SLC25A21: variants seen among roughly 807,000 people sequenced by gnomAD.
The protein encoded by SLC25A21 is solute carrier family 25 member 21.
A neutral mutation model predicts 43.8 loss-of-function variants in SLC25A21; 47 were observed. The ratio of observed to expected loss-of-function variants is 1.07; its 90% CI spans 0.85 to 1.37. SLC25A21 has a LOEUF of 1.37. Among genes scored for constraint, SLC25A21 ranks in the 40% most tolerant of loss-of-function variants. The pLI is 0.00. For synonymous variants in SLC25A21, 131 were observed against 121.3 expected (o/e 1.08, Z -0.52); for missense variants, 352 against 350.2 (o/e 1.00, Z -0.04).
At chr14:37,058,488 A>G (rs1961877492) in intron 1 of SLC25A21, among the ~76,000 whole-genome samples, 1 of 152,218 alleles carries the variant, frequency 6.6e-6, no homozygotes, top group Non-Finnish European at 1.5e-5. Flanking sequence ...ATGGAAATTA[A>G]TTGTTTTATA....
At chr14:37,103,092 C>G (rs778074648) in intron 1 of SLC25A21, among the ~76,000 whole-genome samples, 1 of 152,064 alleles carries the variant, frequency 6.6e-6, no homozygotes, top group African/African-American at 2.4e-5. Flanking sequence ...AAACTGAAAG[C>G]TCTTCTAGGT....
intron 1 of SLC25A21, among the ~76,000 whole-genome samples, chr14:36,923,429 AAAAG>A (rs1892036545): frequency 6.6e-6 from 1 of 152,192 alleles, no homozygotes; most frequent in South Asian, 2.1e-4. Flanking sequence ...AAGAAATACT[AAAAG>A]AAGTCCTACA....
intron 3 of SLC25A21, among the ~76,000 whole-genome samples, chr14:36,752,868 A>C (rs2139262524): frequency 6.6e-6 from 1 of 152,300 alleles, no homozygotes. Context: ...CACCATGTGA[A>C]GAAGGACGTG....
At chr14:36,841,661 T>C (rs954410693) in intron 2 of SLC25A21, among the ~76,000 whole-genome samples, 1 of 152,222 alleles carries the variant, frequency 6.6e-6, no homozygotes, top group Non-Finnish European at 1.5e-5. Context: ...ATCAATAGTC[T>C]TCCTGGTGTG....
At chr14:36,832,176 T>C (rs111942642) in intron 2 of SLC25A21, among the ~76,000 whole-genome samples, 50 of 152,136 alleles carry the variant, frequency 3.3e-4, no homozygotes, top group African/African-American at 1.2e-3. Context: ...AAAGAGACAG[T>C]GACTTGAAAA....
chr14:37,159,957 T>A (rs1020728070), intron 1 of SLC25A21, among the ~76,000 whole-genome samples: 1 of 151,906 alleles, frequency 6.6e-6, no homozygotes, highest in Non-Finnish European at 1.5e-5. Flanking sequence ...AATACATATA[T>A]GAAAAAATGG....
chr14:37,126,900 C>A (rs930317544), intron 1 of SLC25A21, among the ~76,000 whole-genome samples: 1 of 152,110 alleles, frequency 6.6e-6, no homozygotes, highest in East Asian at 1.9e-4. Flanking sequence ...AGTTAAGGAA[C>A]TATATTTTTG....
chr14:36,713,689 T>C (rs963076168), intron 6 of SLC25A21, among the ~76,000 whole-genome samples: 1 of 152,184 alleles, frequency 6.6e-6, no homozygotes, highest in Non-Finnish European at 1.5e-5. Flanking sequence ...TGATAGAATC[T>C]TCCGGAGGTC....
chr14:36,848,052 G>A (rs1426912357), intron 2 of SLC25A21, among the ~76,000 whole-genome samples: 1 of 152,136 alleles, frequency 6.6e-6, no homozygotes, highest in East Asian at 1.9e-4. Context: ...ACCAACAGAT[G>A]TGTGCAGTGA....
chr14:37,158,019 A>G (rs1044778842), intron 1 of SLC25A21, among the ~76,000 whole-genome samples: 1 of 152,190 alleles, frequency 6.6e-6, no homozygotes, highest in African/African-American at 2.4e-5. Context: ...TACAACCTAC[A>G]AAGATTGGAT....
chr14:36,770,525 A>G (rs1160993457), intron 3 of SLC25A21, among the ~76,000 whole-genome samples: 1 of 152,208 alleles, frequency 6.6e-6, no homozygotes, highest in African/African-American at 2.4e-5. Flanking sequence ...CTAAAATAAA[A>G]GTTGAAATTA....
rs1892834509 is a variant in SLC25A21 at position 36,952,364 on chromosome 14, C to A, written c.71-77360G>T. 4 of 152,772 alleles carry A rather than the reference C, an allele frequency of 2.6e-5. No homozygotes were observed. The South Asian group carries it at 6.2e-4, about 24-fold the overall frequency. The allele number at this position is 152,772 out of a possible 1,614,324, so 9.5% of individuals were successfully genotyped here. ...ACAAATAGAAATTTATATGTAAATTCTATTTCCTGCTTAAATATCTACATT... is the reference window on the plus strand; with the variant it reads ...ACAAATAGAAATTTATATGTAAATTATATTTCCTGCTTAAATATCTACATT... On this transcript the variant is annotated intron_variant, in intron 1 of 9. Coordinates refer to ENST00000331299, the MANE Select transcript of SLC25A21 (RefSeq NM_030631.4).
At chr14:37,114,138 TAG>T (rs1963067369) in intron 1 of SLC25A21, among the ~76,000 whole-genome samples, 1 of 152,214 alleles carries the variant, frequency 6.6e-6, no homozygotes, top group Non-Finnish European at 1.5e-5. Context: ...TAATAAAACA[TAG>T]AGTTACAATC....
At chr14:36,763,272 T>A (rs1314537809) in intron 3 of SLC25A21, among the ~76,000 whole-genome samples, 2 of 152,208 alleles carry the variant, frequency 1.3e-5, no homozygotes, top group African/African-American at 2.4e-5. Context: ...TGTAAGAACA[T>A]TCATTTGTCT....
chr14:36,807,158 G>A (rs567844554), intron 3 of SLC25A21: 2 of 152,302 alleles, frequency 1.3e-5, no homozygotes, highest in East Asian at 3.9e-4. Flanking sequence ...AATCTGCATG[G>A]CAGATTATCT....
intron 1 of SLC25A21, among the ~76,000 whole-genome samples, chr14:37,070,717 A>C (rs17106216): frequency 0.21 from 32,478 of 152,116 alleles, 8,061 homozygotes; most frequent in African/African-American, 0.6. Context: ...TTACAAGGTA[A>C]AAAGAGAGAT....
At chr14:36,974,613 T>C (rs1959826830) in intron 1 of SLC25A21, among the ~76,000 whole-genome samples, 1 of 152,186 alleles carries the variant, frequency 6.6e-6, no homozygotes, top group South Asian at 2.1e-4. Context: ...AGTAGTTGCA[T>C]GAAATTCAAA....
At chr14:36,757,090 CAAA>C (rs58430384) in intron 3 of SLC25A21, among the ~76,000 whole-genome samples, 90 of 125,802 alleles carry the variant, frequency 7.2e-4, no homozygotes, top group African/African-American at 2.5e-3. Flanking sequence ...CCCATCTTTA[CAAA>C]AAAAAAAAAA....
intron 7 of SLC25A21, among the ~76,000 whole-genome samples, chr14:36,686,514 AG>A (rs1368740424): frequency 1.3e-5 from 2 of 152,184 alleles, no homozygotes; most frequent in Non-Finnish European, 2.9e-5. Flanking sequence ...AGTGTATCCA[AG>A]GGAAGTTTTT....
Sources: gnomAD v4.1 joint callset for allele counts (sites outside exome capture counted in the v4.1 genomes callset) on GRCh38, gnomAD v4.1.1 for gene constraint, MANE v1.5 for transcripts, NCBI Gene and HGNC (gene_info 2026-07-23, HGNC 2026-07-21) for gene names.